The following NEK11 variants were observed in gnomAD, a reference collection of about 807,000 sequenced individuals.
NEK11 encodes NIMA related kinase 11, also known as serine/threonine-protein kinase Nek11.
In NEK11, 72 loss-of-function variants were observed where a neutral mutation model predicts 80.7. That is an observed-to-expected ratio of 0.89 (90% CI 0.74 to 1.08). The LOEUF (loss-of-function observed/expected upper bound fraction) is 1.08, where lower values mean the gene tolerates loss of function less well. Among genes scored for constraint, NEK11 ranks in the 50% least tolerant of loss-of-function variants. The pLI, the probability that NEK11 is intolerant of heterozygous loss-of-function variation, is 0.00. For missense variants in NEK11, 764 were observed against 763.6 expected (o/e 1.00, Z -0.01); for synonymous variants, 251 against 260.7 (o/e 0.96, Z 0.36).
intron 3 of NEK11, among the ~76,000 whole-genome samples, chr3:131,037,130 C>G (rs1024950738): frequency 6.6e-6 from 1 of 152,100 alleles, no homozygotes; most frequent in Non-Finnish European, 1.5e-5. Context: ...ATGACTGGTT[C>G]AGCATTTTCT....
In NEK11 at chr3:131,336,620, G is replaced by T. The variant is rs1440732477; in HGVS notation, c.1719-12937G>T. Among the ~76,000 whole-genome samples the T allele has an allele frequency of 2.6e-5, 4 of 152,190 alleles. No homozygotes were observed. In the East Asian group the frequency reaches 7.7e-4, roughly 29 times the overall value. On this transcript the variant is annotated intron_variant, in intron 17 of 17. Coordinates refer to ENST00000383366, the MANE Select transcript of NEK11 (RefSeq NM_024800.5). Reference sequence around the variant, plus strand: ...AACAAAAGCCAAAATTGACAAATGGGATCTCATTAAACTAAAGAGCTTCTG... The same window carrying T: ...AACAAAAGCCAAAATTGACAAATGGTATCTCATTAAACTAAAGAGCTTCTG...
At chr3:131,141,782 G>A (rs1384612088) in intron 7 of NEK11, among the ~76,000 whole-genome samples, 1 of 152,116 alleles carries the variant, frequency 6.6e-6, no homozygotes, top group East Asian at 1.9e-4. Context: ...ATTAGCTGTA[G>A]GACAAAGTGT....
At chr3:131,330,133 T>C (rs1195609349) in intron 17 of NEK11, 1 of 152,152 alleles carries the variant, frequency 6.6e-6, no homozygotes. Context: ...GGCTTACTAA[T>C]TGATCTGATT....
At chr3:131,114,290 T>C (rs2080650713) in intron 5 of NEK11, among the ~76,000 whole-genome samples, 1 of 109,146 alleles carries the variant, frequency 9.2e-6, no homozygotes, top group Admixed American at 1.0e-4. Context: ...TAAACATTTA[T>C]AAATAATTAA....
intron 14 of NEK11, among the ~76,000 whole-genome samples, chr3:131,224,885 G>A (rs2095143875): frequency 6.6e-6 from 1 of 152,198 alleles, no homozygotes. Context: ...TCGTACAGCT[G>A]TACAATGTGT....
chr3:131,190,753 C>T (rs2093762821), intron 14 of NEK11, among the ~76,000 whole-genome samples: 2 of 152,168 alleles, frequency 1.3e-5, no homozygotes, highest in South Asian at 4.2e-4. Flanking sequence ...ATCTCTTAAT[C>T]CAGGGTAAAA....
At chr3:131,225,488 G>T (rs2095165919) in intron 14 of NEK11, among the ~76,000 whole-genome samples, 1 of 152,150 alleles carries the variant, frequency 6.6e-6, no homozygotes, top group African/African-American at 2.4e-5. Context: ...CTGAGTGTTT[G>T]CCTTATTTGA....
At chr3:131,093,071 AC>A (rs2076953584) in intron 4 of NEK11, 1 of 152,186 alleles carries the variant, frequency 6.6e-6, no homozygotes, top group Non-Finnish European at 1.5e-5. Flanking sequence ...AGTTGCCCAC[AC>A]ATATGGTTGA....
chr3:131,057,817 A>C (rs922424274), intron 3 of NEK11, among the ~76,000 whole-genome samples: 1 of 151,374 alleles, frequency 6.6e-6, no homozygotes, highest in Non-Finnish European at 1.5e-5. Flanking sequence ...GGTTGCAAAA[A>C]TTTTCTCCCA....
chr3:131,106,758 G>T (rs777417698), intron 4 of NEK11, among the ~76,000 whole-genome samples: 1 of 151,680 alleles, frequency 6.6e-6, no homozygotes, highest in Non-Finnish European at 1.5e-5. Context: ...ACTTAATTTT[G>T]GCAATACCAT....
At chr3:131,113,622 GA>G (rs2080487212) in intron 5 of NEK11, among the ~76,000 whole-genome samples, 1 of 151,998 alleles carries the variant, frequency 6.6e-6, no homozygotes, top group Non-Finnish European at 1.5e-5. Context: ...GGGAAAAAAA[GA>G]AAAAGCAGGC....
At chr3:131,203,657 C>CAA (rs1256294413) in intron 14 of NEK11, among the ~76,000 whole-genome samples, 1 of 147,960 alleles carries the variant, frequency 6.8e-6, no homozygotes, top group East Asian at 2.0e-4. Context: ...TACACACACA[C>CAA]ACACACATAT....
chr3:131,279,908 G>A (rs1272742766), intron 17 of NEK11, among the ~76,000 whole-genome samples: 3 of 152,200 alleles, frequency 2.0e-5, no homozygotes, highest in Non-Finnish European at 4.4e-5. Flanking sequence ...TCTGCTGTTA[G>A]AGAAACTTGC....
rs576387175 is a variant in NEK11 at position 131,080,784 on chromosome 3, C to T, written c.336+196C>T. On this transcript the variant is annotated intron_variant, in intron 4 of 17. Coordinates refer to ENST00000383366, the MANE Select transcript of NEK11 (RefSeq NM_024800.5). ...CTTGTTTCTAAGGAAGGGTTTTTCC[C>T]TCCATTGGCAAACTCAGTAAAAAAG... 3.4e-4 allele frequency among the ~76,000 whole-genome samples: 52 copies of T among 152,180 alleles called. No homozygotes were observed. The South Asian group carries it at 0.01, about 30-fold the overall frequency.
chr3:131,257,584 A>G (rs1320995318), intron 16 of NEK11, among the ~76,000 whole-genome samples: 1 of 152,190 alleles, frequency 6.6e-6, no homozygotes, highest in Non-Finnish European at 1.5e-5. Flanking sequence ...TTTGGCTTTC[A>G]TAGAAGCTAA....
chr3:131,188,037 T>C (rs981047762), intron 14 of NEK11, among the ~76,000 whole-genome samples: 2 of 152,098 alleles, frequency 1.3e-5, no homozygotes, highest in African/African-American at 4.8e-5. Flanking sequence ...AACCCTGAGT[T>C]AATGAAGGGT....
At chr3:131,175,045 C>G (rs997179314) in intron 14 of NEK11, 1 of 1,260,810 alleles carries the variant, frequency 7.9e-7, no homozygotes, top group Non-Finnish European at 1.0e-6. Flanking sequence ...CCCACATGCC[C>G]TTTACAGTTC....
chr3:131,137,866 T>G (rs2085924638), intron 7 of NEK11, among the ~76,000 whole-genome samples: 1 of 152,230 alleles, frequency 6.6e-6, no homozygotes. Context: ...AAAATTTAAA[T>G]TTTTAATTCT....
intron 17 of NEK11, among the ~76,000 whole-genome samples, chr3:131,305,310 C>T (rs1002949603): frequency 6.6e-6 from 1 of 152,082 alleles, no homozygotes; most frequent in Non-Finnish European, 1.5e-5. Context: ...TGGAGTTCTC[C>T]AACAGTCAAC....
Sources: gnomAD v4.1 joint callset for allele counts (sites outside exome capture counted in the v4.1 genomes callset) on GRCh38, gnomAD v4.1.1 for gene constraint, MANE v1.5 for transcripts, NCBI Gene and HGNC (gene_info 2026-07-23, HGNC 2026-07-21) for gene names.